The following REV3L variants were observed in gnomAD, a reference collection of about 807,000 sequenced individuals.
REV3L encodes DNA polymerase zeta catalytic subunit.
A neutral mutation model predicts 299.4 loss-of-function variants in REV3L; 69 were observed. The ratio of observed to expected loss-of-function variants is 0.23; its 90% CI spans 0.19 to 0.28. REV3L has a LOEUF of 0.28. Ranked by LOEUF, REV3L falls within the 10% of genes least tolerant of loss-of-function variation. REV3L has a pLI of 1.00. For missense variants in REV3L, 3,128 were observed against 3,693.8 expected (o/e 0.85, Z 3.97); for synonymous variants, 1,238 against 1,271.4 (o/e 0.97, Z 0.56).
At chr6:111,449,405 G>T (rs1182899637) in intron 1 of REV3L, among the ~76,000 whole-genome samples, 1 of 152,176 alleles carries the variant, frequency 6.6e-6, no homozygotes, top group Non-Finnish European at 1.5e-5. Context: ...GAACTGCAGA[G>T]ACAGACAGGA....
chr6:111,396,653 C>T (rs1782544652), intron 4 of REV3L, among the ~76,000 whole-genome samples: 1 of 152,118 alleles, frequency 6.6e-6, no homozygotes, highest in Non-Finnish European at 1.5e-5. Flanking sequence ...CTTTAAATTA[C>T]AGATTCAATC....
intron 17 of REV3L, among the ~76,000 whole-genome samples, chr6:111,358,170 C>G (rs1024523860): frequency 5.9e-5 from 9 of 151,978 alleles, no homozygotes; most frequent in Non-Finnish European, 1.0e-4. Flanking sequence ...AACCTCTGAA[C>G]CAAAAGTATA....
chr6:111,422,123 G>C (rs1399584748), intron 1 of REV3L, among the ~76,000 whole-genome samples: 2 of 152,158 alleles, frequency 1.3e-5, no homozygotes, highest in African/African-American at 4.8e-5. Flanking sequence ...CAGATACTAA[G>C]ATGTGAGGTA....
At chr6:111,460,800 A>G (rs968333985) in intron 1 of REV3L, among the ~76,000 whole-genome samples, 2 of 152,144 alleles carry the variant, frequency 1.3e-5, no homozygotes, top group African/African-American at 4.8e-5. Context: ...CATGTACTGC[A>G]TAATGATATT....
chr6:111,315,651 TC>T (rs1773440105), intron 26 of REV3L: 1 of 402,276 alleles, frequency 2.5e-6, no homozygotes, highest in Admixed American at 3.7e-5. Context: ...TCCTGGATCA[TC>T]CCTGGACATT....
chr6:111,411,262 A>C (rs1784210551), intron 3 of REV3L, among the ~76,000 whole-genome samples: 1 of 152,108 alleles, frequency 6.6e-6, no homozygotes, highest in Non-Finnish European at 1.5e-5. Flanking sequence ...CGAACTCTCT[A>C]ATCTGTAACA....
At chr6:111,411,380 A>G (rs1355405605) in intron 3 of REV3L, 100 bp downstream of exon 3, 4 of 753,504 alleles carry the variant, frequency 5.3e-6, no homozygotes, top group Admixed American at 5.7e-5. Flanking sequence ...TCTGTCTTTA[A>G]TAAGACTACA....
In REV3L at chr6:111,407,069, C is replaced by CA. The variant is rs571049381; in HGVS notation, c.405-1440dup. 3.7e-3 allele frequency among the ~76,000 whole-genome samples: 561 copies of CA among 152,132 alleles called. 3 individuals carry two copies. Among genetic ancestry groups the CA allele is most frequent in the African/African-American group, 0.013 (542 of 41,512 alleles). On this transcript the variant is annotated intron_variant, in intron 3 of 31. Transcript: ENST00000368802. The stretch of plus-strand genomic sequence containing the variant: ...AGGTTACAGTGAGGTATGATGGCGC[C>CA]ACTGCATGCCATCCTGGGCAACAGA...
chr6:111,345,620 C>A (rs1776945335), intron 20 of REV3L, among the ~76,000 whole-genome samples: 2 of 152,106 alleles, frequency 1.3e-5, no homozygotes, highest in South Asian at 4.2e-4. Context: ...TCTCATGCAT[C>A]CCATTCTCTG....
rs745673202 is a variant in REV3L, at chr6:111,351,755, C to G, written c.7221G>C (p.Gln2407His). ...GTAAGAGGTAACCCCAGGAATGCAT[C>G]TGAATCTCATATCCTAGCAGAATAT... ...DPDILLGYEI[Q>H]MHSWGYLLQR... is the part of the protein sequence containing the mutation. The change falls in exon 19 of 32, where the codon CAG becomes CAC. Residue 2407 changes from glutamine to histidine, a missense_variant. Physicochemically the swap from Gln to His is conservative, Grantham distance 24. Coordinates refer to ENST00000368802, the MANE Select transcript of REV3L (RefSeq NM_001372078.1). 9.3e-6 allele frequency: 15 copies of G among 1,613,496 alleles called. No individual in the cohort carries two copies. The highest frequency in any genetic ancestry group is 3.3e-4 in the Middle Eastern group (2 of 6,062).
At chr6:111,328,595 T>C (rs999345094) in intron 25 of REV3L, among the ~76,000 whole-genome samples, 13 of 152,178 alleles carry the variant, frequency 8.5e-5, no homozygotes, top group African/African-American at 2.7e-4. Flanking sequence ...AAAATTATCA[T>C]TGGAATAAAG....
At position 111,376,174 on chromosome 6, in the gene REV3L, T is replaced by G; in HGVS notation, c.2181A>C (p.Gly727=). The G allele has an allele frequency of 6.2e-7, 1 of 1,612,276 alleles. No homozygotes were observed. The highest frequency in any genetic ancestry group is 8.5e-7 in the Non-Finnish European group (1 of 1,179,774). The part of the protein sequence containing the change: ...NKVSSEGNEK[G]NSTALSSLFP... ...ATAAACTACTCAGAGCTGTGCTGTT[T>G]CCTTTTTCATTTCCTTCAGAGGATA... The change falls in exon 13 of 32, where the codon GGA becomes GGC. Residue 727 remains glycine, a synonymous_variant. Coordinates refer to ENST00000368802, the MANE Select transcript of REV3L (RefSeq NM_001372078.1).
chr6:111,411,333 G>GTC (rs574508238), intron 3 of REV3L, 147 bp downstream of exon 3: 18 of 572,702 alleles, frequency 3.1e-5, no homozygotes, highest in South Asian at 2.4e-4. Flanking sequence ...CAAGCCACTG[G>GTC]TCTCTCTCTA....
chr6:111,424,795 G>T (rs985697557), intron 1 of REV3L, among the ~76,000 whole-genome samples: 1 of 152,168 alleles, frequency 6.6e-6, no homozygotes, highest in Non-Finnish European at 1.5e-5. Context: ...AGCCCTATAT[G>T]CGGCAGGGTC....
intron 22 of REV3L, among the ~76,000 whole-genome samples, chr6:111,334,903 C>A (rs1424484761): frequency 6.6e-6 from 1 of 151,984 alleles, no homozygotes; most frequent in African/African-American, 2.4e-5. Context: ...ATCGCTGATG[C>A]CTACCACCGT....
upstream of REV3L, chr6:111,483,262 G>T (rs1793998833): frequency 6.3e-6 from 3 of 475,072 alleles, no homozygotes; most frequent in Non-Finnish European, 7.3e-6. Flanking sequence ...TGTGTGTGGC[G>T]AAGGGAGGCT....
At chr6:111,432,191 T>C (rs1787019362) in intron 1 of REV3L, among the ~76,000 whole-genome samples, 1 of 152,176 alleles carries the variant, frequency 6.6e-6, no homozygotes, top group Non-Finnish European at 1.5e-5. Context: ...GAAATGACAG[T>C]AGTAAGTTTA....
In REV3L at chr6:111,386,619, G is replaced by A. The variant is rs1020673330; in HGVS notation, c.1096+1146C>T. Among the ~76,000 whole-genome samples the A allele has an allele frequency of 6.6e-5, 10 of 151,644 alleles. 1 individual carries two copies. The highest frequency in any genetic ancestry group is 5.2e-4 in the Admixed American group (8 of 15,244). ...TGGCAGAGGTAATCTTTTTAGTGAC[G>A]TTTATTCTTAAACTGTTTCATTTGT... On this transcript the variant is annotated intron_variant, in intron 9 of 31. Transcript: ENST00000368802.
intron 1 of REV3L, among the ~76,000 whole-genome samples, chr6:111,479,504 C>G (rs537616381): frequency 6.9e-6 from 1 of 144,642 alleles, no homozygotes; most frequent in Admixed American, 7.4e-5. Context: ...AATATCCCCC[C>G]CCGCCTTTTT....
Sources: gnomAD v4.1 joint callset for allele counts (sites outside exome capture counted in the v4.1 genomes callset) on GRCh38, gnomAD v4.1.1 for gene constraint, MANE v1.5 for transcripts, NCBI Gene and HGNC (gene_info 2026-07-23, HGNC 2026-07-21) for gene names.